The following DBT variants were observed in gnomAD, a reference collection of about 807,000 sequenced individuals.
DBT encodes the protein lipoamide acyltransferase component of branched-chain alpha-keto acid dehydrogenase complex, mitochondrial.
A neutral mutation model predicts 51.3 loss-of-function variants in DBT; 40 were observed. That is an observed-to-expected ratio of 0.78 (90% CI 0.61 to 1.02). DBT has a LOEUF of 1.02. Ranked by LOEUF, DBT falls within the 50% of genes least tolerant of loss-of-function variation. The pLI is 0.00. For synonymous variants in DBT, 181 were observed against 190.4 expected, an observed-to-expected ratio of 0.95 and a Z score of 0.41; for missense variants, 510 against 580.2, an observed-to-expected ratio of 0.88 and a Z score of 1.24.
At position 100,235,474 on chromosome 1, in the gene DBT, G is replaced by T; in HGVS notation, c.213C>A (p.Asp71Glu). Reference protein sequence around the residue: ...RGQVVQFKLSDIGEGIREVTV... With the variant: ...RGQVVQFKLSEIGEGIREVTV... ...TTACTTCTCTAATCCCTTCTCCAAT[G>T]TCTGAGAGCTTGAACTGAACAACCT... Residue 71 changes from aspartate to glutamate, a missense_variant, in exon 3 of 11, where the codon GAC (aspartate) becomes GAA (glutamate). Coordinates refer to ENST00000370132, the MANE Select transcript of DBT (RefSeq NM_001918.5). 1 of 1,596,896 alleles carries T rather than the reference G, an allele frequency of 6.3e-7. No homozygotes were observed. The highest frequency in any genetic ancestry group is 8.6e-7 in the Non-Finnish European group (1 of 1,165,792).
chr1:100,212,689 T>C (rs1239816536), intron 7 of DBT, among the ~76,000 whole-genome samples: 1 of 152,196 alleles, frequency 6.6e-6, no homozygotes, highest in African/African-American at 2.4e-5. Context: ...ACAAAAGTAT[T>C]TAATTCAAAT....
At chr1:100,246,248 C>T (rs768784428) in intron 1 of DBT, among the ~76,000 whole-genome samples, 4 of 151,880 alleles carry the variant, frequency 2.6e-5, no homozygotes, top group Non-Finnish European at 4.4e-5. Context: ...CAGAGTGAGA[C>T]GCCGTCTCAA....
At position 100,187,770 on chromosome 1, in the gene DBT, CAA is replaced by C. The variant is rs1422081254; in HGVS notation, c.*8483_*8484del. On this transcript the variant is annotated 3_prime_UTR_variant, in exon 11 of 11. Coordinates refer to ENST00000370132, the MANE Select transcript of DBT (RefSeq NM_001918.5). The stretch of plus-strand genomic sequence containing the variant: ...CATGTGGGATATTTTGTATACATTT[CAA>C]AAGGCAACTACAAAAATTGGTTTTT... 3 of 143,896 alleles carry C rather than the reference CAA, an allele frequency of 2.1e-5. No individual in the cohort carries two copies. The highest frequency in any genetic ancestry group is 7.1e-5 in the Admixed American group (1 of 14,170). The allele number at this position is 143,896 out of a possible 1,614,324, so 8.9% of individuals were successfully genotyped here.
chr1:100,233,283 C>A (rs1248341436), intron 3 of DBT, among the ~76,000 whole-genome samples: 1 of 152,152 alleles, frequency 6.6e-6, no homozygotes, highest in Admixed American at 6.5e-5. Flanking sequence ...CACATAACAT[C>A]TAAACTTGTT....
At chr1:100,225,092 C>T (rs1306493966) in intron 4 of DBT, among the ~76,000 whole-genome samples, 1 of 137,592 alleles carries the variant, frequency 7.3e-6, no homozygotes, top group Non-Finnish European at 1.5e-5. Context: ...CACACACACA[C>T]ACATATAATC....
intron 8 of DBT, 78 bp downstream of exon 8, chr1:100,210,616 A>G: frequency 2.5e-6 from 4 of 1,595,666 alleles, no homozygotes; most frequent in Non-Finnish European, 3.4e-6. Flanking sequence ...TTGAGGTACA[A>G]TAGAAGTCTC....
chr1:100,224,963 G>A (rs1345011598), intron 4 of DBT, among the ~76,000 whole-genome samples: 1 of 145,444 alleles, frequency 6.9e-6, no homozygotes, highest in African/African-American at 2.6e-5. Flanking sequence ...AGGTCGCAGT[G>A]AGCCGACATC....
intron 2 of DBT, among the ~76,000 whole-genome samples, 182 bp downstream of exon 2, chr1:100,240,579 A>G (rs1435652703): frequency 6.6e-6 from 1 of 152,166 alleles, no homozygotes; most frequent in African/African-American, 2.4e-5. Context: ...AAAGTATGTA[A>G]AAGAGAGGGA....
chr1:100,226,841 A>G (rs1241619230), intron 4 of DBT, among the ~76,000 whole-genome samples: 1 of 152,250 alleles, frequency 6.6e-6, no homozygotes, highest in Non-Finnish European at 1.5e-5. Context: ...AGGGGTCACC[A>G]CTACAATGAT....
intron 7 of DBT, among the ~76,000 whole-genome samples, chr1:100,211,741 T>C (rs112092472): frequency 2.0e-5 from 3 of 152,308 alleles, no homozygotes; most frequent in African/African-American, 7.2e-5. Flanking sequence ...AAAGAACTGC[T>C]ACGAGTTCCT....
Position 100,187,807 on chromosome 1 carries a change from A to C in DBT, c.*8448T>G, listed in dbSNP as rs1660634473. On this transcript the variant is annotated 3_prime_UTR_variant, in exon 11 of 11. Coordinates refer to ENST00000370132, the MANE Select transcript of DBT (RefSeq NM_001918.5). The stretch of plus-strand genomic sequence containing the variant: ...ACAAAAATTGGTTTTTCATATTTCT[A>C]CAAATATTTTATGGAATGTTTAATA... The C allele has an allele frequency of 6.7e-6, 1 of 150,258 alleles. No individual in the cohort carries two copies. Among genetic ancestry groups the C allele is most frequent in the African/African-American group, 2.5e-5 (1 of 40,642 alleles). The allele number at this position is 150,258 out of a possible 1,614,324, so 9.3% of individuals were successfully genotyped here.
chr1:100,206,345 T>G, intron 9 of DBT, 44 bp from the exon 10 acceptor site: 1 of 1,584,928 alleles, frequency 6.3e-7, no homozygotes, highest in Non-Finnish European at 8.7e-7. Context: ...AAAGTTAAGA[T>G]TTTTCAGGGA....
chr1:100,235,315 T>C, intron 3 of DBT, 121 bp downstream of exon 3: 1 of 606,660 alleles, frequency 1.6e-6, no homozygotes, highest in Non-Finnish European at 3.0e-6. Flanking sequence ...TATGTGTTTA[T>C]AAAGACGTTT....
chr1:100,213,811 T>C, intron 7 of DBT: 2 of 1,421,128 alleles, frequency 1.4e-6, no homozygotes. Context: ...CCAGCTGCGG[T>C]TTCCCGGAGC....
chr1:100,241,750 G>C (rs1664227941), intron 1 of DBT, among the ~76,000 whole-genome samples: 2 of 152,168 alleles, frequency 1.3e-5, no homozygotes, highest in Non-Finnish European at 2.9e-5. Flanking sequence ...CAGGCGCGGT[G>C]GCTCACGCCT....
intron 4 of DBT, among the ~76,000 whole-genome samples, chr1:100,223,716 C>T (rs1013435491): frequency 6.6e-6 from 1 of 152,192 alleles, no homozygotes; most frequent in African/African-American, 2.4e-5. Flanking sequence ...GATCCTCCTA[C>T]TTGGGCCTCC....
chr1:100,239,682 G>A (rs1367961478), intron 2 of DBT, among the ~76,000 whole-genome samples: 1 of 151,970 alleles, frequency 6.6e-6, no homozygotes. Flanking sequence ...ACCAGCCTGG[G>A]CACTGTGACA....
At chr1:100,201,216 G>A (rs919667944) in intron 10 of DBT, among the ~76,000 whole-genome samples, 4 of 152,032 alleles carry the variant, frequency 2.6e-5, no homozygotes, top group African/African-American at 9.7e-5. Context: ...TAAATGACCT[G>A]ATGGAGGTGA....
intron 2 of DBT, among the ~76,000 whole-genome samples, chr1:100,237,310 A>C (rs1429134618): frequency 6.6e-6 from 1 of 152,158 alleles, no homozygotes; most frequent in Non-Finnish European, 1.5e-5. Flanking sequence ...TTTCCAGCCC[A>C]TATGATCCTC....
Sources: allele counts gnomAD v4.1 joint callset (sites outside exome capture counted in the v4.1 genomes callset), GRCh38; gene constraint gnomAD v4.1.1; transcripts MANE v1.5; gene names NCBI Gene and HGNC (gene_info 2026-07-23, HGNC 2026-07-21).